The following NINL variants were observed in gnomAD, a reference collection of about 807,000 sequenced individuals.
The protein encoded by NINL is ninein-like protein.
NINL carries 153 observed loss-of-function variants against 160.3 expected under a neutral mutation model. The observed-to-expected ratio is 0.95, with a 90% CI of 0.84 to 1.09. The LOEUF (loss-of-function observed/expected upper bound fraction) is 1.09, where lower values mean the gene tolerates loss of function less well. Ranked by LOEUF, NINL falls within the 50% of genes least tolerant of loss-of-function variation. NINL has a pLI of 0.00. For missense variants in NINL, 1,829 were observed against 1,764.0 expected (o/e 1.04, Z -0.66); for synonymous variants, 800 against 734.8 (o/e 1.09, Z -1.43).
chr20:25,454,295 GAGCCA>G (rs1377057936), intron 23 of NINL, among the ~76,000 whole-genome samples: 4 of 152,204 alleles, frequency 2.6e-5, no homozygotes, highest in African/African-American at 9.6e-5. Flanking sequence ...GCAAGGCCAG[GAGCCA>G]AGAGAAGCAG....
intron 13 of NINL, among the ~76,000 whole-genome samples, chr20:25,487,965 C>T (rs188458637): frequency 4.6e-5 from 7 of 152,320 alleles, no homozygotes; most frequent in East Asian, 1.9e-4. Context: ...ACGGTCTCTG[C>T]GTGCTCAGGT....
chr20:25,540,555 G>A (rs1428904788), intron 1 of NINL, among the ~76,000 whole-genome samples: 1 of 152,214 alleles, frequency 6.6e-6, no homozygotes, highest in Non-Finnish European at 1.5e-5. Context: ...CAGCCTAGGT[G>A]TGCCAATCAC....
chr20:25,479,020 G>A lies in NINL; in HGVS notation c.2104C>T (p.Arg702Cys), dbSNP rs201796118. 1.2e-5 allele frequency: 19 copies of A among 1,609,710 alleles called. No individual in the cohort carries two copies. The highest frequency in any genetic ancestry group is 8.3e-5 in the Admixed American group (5 of 60,016). The change falls in exon 16 of 24, where the codon CGC becomes TGC. Residue 702 changes from arginine to cysteine, a missense_variant. By Grantham distance (180) the Arg-to-Cys change is radical. Transcript: ENST00000278886. ...CCCATCTGCTCAGGCTCGGGGCCGC[G>A]GGCTGTGTCCTGCAGCTGCTCCTGC... ...GLQEQLQDTA[R>C]GPEPEQMGLA...
rs750514718 is a variant in NINL, at chr20:25,455,696, T to C, written c.3934A>G (p.Lys1312Glu). The stretch of plus-strand genomic sequence containing the variant: ...ACCTGCTCCTTCAGCTTATCCACTT[T>C]CTCTTGGAGGAGCATTTCCATATTC... ...LKNMEMLLQE[K>E]VDKLKEQFEK... Residue 1312 changes from lysine to glutamate, a missense_variant, in exon 23 of 24, where the codon AAA becomes GAA. Lys to Glu is a moderately conservative substitution (Grantham distance 56, BLOSUM62 1). Coordinates refer to ENST00000278886, the MANE Select transcript of NINL (RefSeq NM_025176.6). The C allele has an allele frequency of 1.2e-6, 2 of 1,613,880 alleles. No individual in the cohort carries two copies. Among genetic ancestry groups the C allele is most frequent in the African/African-American group, 1.3e-5 (1 of 74,904 alleles).
chr20:25,488,696 T>A (rs961945916), intron 13 of NINL, among the ~76,000 whole-genome samples: 2 of 152,048 alleles, frequency 1.3e-5, no homozygotes, highest in African/African-American at 4.8e-5. Flanking sequence ...TAGTTTTTAT[T>A]TCTTTTGGAA....
chr20:25,499,996 C>G (rs1168213014), intron 8 of NINL, among the ~76,000 whole-genome samples: 1 of 146,546 alleles, frequency 6.8e-6, no homozygotes, highest in Non-Finnish European at 1.5e-5. Flanking sequence ...ATATATACAT[C>G]TCTCATGTGC....
chr20:25,470,014 T>C lies in NINL; in HGVS notation c.3330A>G (p.Ala1110=), dbSNP rs756052253. 6.2e-7 allele frequency: 1 copy of C among 1,614,182 alleles called. No homozygotes were observed. Among genetic ancestry groups the C allele is most frequent in the African/African-American group, 1.3e-5 (1 of 75,064 alleles). The change falls in exon 18 of 24, where the codon GCA becomes GCG. Residue 1110 remains alanine, a synonymous_variant. Transcript: ENST00000278886. Reference sequence around the variant, plus strand: ...ACCTCTGTGCATCGTGAGTACTTTCTGCAGCTTCAAGCTCTTGCCGAACCC... The same window carrying C: ...ACCTCTGTGCATCGTGAGTACTTTCCGCAGCTTCAAGCTCTTGCCGAACCC... ...LGRVRQELEA[A]ESTHDAQRKE... is the part of the protein sequence containing the mutation.
At chr20:25,578,620 C>T (rs903530931) in intron 1 of NINL, among the ~76,000 whole-genome samples, 5 of 151,100 alleles carry the variant, frequency 3.3e-5, no homozygotes, top group African/African-American at 1.2e-4. Context: ...GGTGAAACCC[C>T]GTCTCTACTA....
chr20:25,552,360 C>A (rs563955079), intron 1 of NINL, among the ~76,000 whole-genome samples: 1 of 152,044 alleles, frequency 6.6e-6, no homozygotes, highest in East Asian at 1.9e-4. Flanking sequence ...ATAGCCAGAC[C>A]CTCCCCACCT....
chr20:25,513,727 C>T lies in NINL; in HGVS notation c.278-721G>A, dbSNP rs149625875. On this transcript the variant is annotated intron_variant, in intron 3 of 23. Coordinates refer to ENST00000278886, the MANE Select transcript of NINL (RefSeq NM_025176.6). ...TCATCATACTGAGTTCTCATGAGAT[C>T]TGGTTGTTTAAAAGTGTGTAGCACC... is the stretch of plus-strand genomic sequence containing the variant. Among the ~76,000 whole-genome samples the T allele has an allele frequency of 1.6e-3, 245 of 152,266 alleles. 3 individuals carry two copies. Among genetic ancestry groups the T allele is most frequent in the African/African-American group, 5.5e-3 (230 of 41,552 alleles).
chr20:25,560,378 C>T (rs142646579), intron 1 of NINL, among the ~76,000 whole-genome samples: 56 of 152,250 alleles, frequency 3.7e-4, no homozygotes, highest in African/African-American at 1.1e-3. Flanking sequence ...CAACTTCCTA[C>T]GTGGCCAATC....
intron 1 of NINL, among the ~76,000 whole-genome samples, chr20:25,530,969 C>T (rs549694304): frequency 4.6e-5 from 7 of 152,252 alleles, no homozygotes; most frequent in South Asian, 2.1e-4. Context: ...GGCATTTCCT[C>T]GTCCTAATAA....
chr20:25,574,493 G>T (rs1454696437), intron 1 of NINL, among the ~76,000 whole-genome samples: 2 of 152,112 alleles, frequency 1.3e-5, no homozygotes, highest in Admixed American at 6.6e-5. Context: ...ACGAAGTAAA[G>T]AATCCACACC....
rs1473860713 is a variant in NINL at position 25,504,898 on chromosome 20, A to G, written c.698T>C (p.Leu233Pro). 1.2e-6 allele frequency: 2 copies of G among 1,611,008 alleles called. No individual in the cohort carries two copies. The highest frequency in any genetic ancestry group is 3.3e-5 in the Admixed American group (2 of 60,016). ...TGCTGTGCCCCTCACCTCTTTCTCG[A>G]GTCCCTGGAGCCCGACGCTCTGGCA... ...VVCQSVGLQG[L>P]EKEELEDLFN... Residue 233 changes from leucine (L) to proline (P), a missense_variant, in exon 6 of 24, where the codon CTC becomes CCC. Coordinates refer to ENST00000278886, the MANE Select transcript of NINL (RefSeq NM_025176.6).
Position 25,458,418 on chromosome 20 carries a change from C to T in NINL, c.3808G>A (p.Gly1270Arg), listed in dbSNP as rs759958315. 6 of 1,606,740 alleles carry T rather than the reference C, an allele frequency of 3.7e-6. No individual in the cohort carries two copies. Among genetic ancestry groups the T allele is most frequent in the Admixed American group, 1.7e-5 (1 of 60,004 alleles). Residue 1270 changes from glycine (G) to arginine (R), a missense_variant, in exon 22 of 24, where the codon GGA (glycine) becomes AGA (arginine). Coordinates refer to ENST00000278886, the MANE Select transcript of NINL (RefSeq NM_025176.6). ...TCCAGGCGCCTCCTGGCCTGCTCTC[C>T]CTGAAGGCTGAGCAGGCGATGCAGC... ...AELHRLLSLQ[G>R]EQARRRLDAQ...
At chr20:25,506,252 C>T (rs1017907841) in intron 5 of NINL, among the ~76,000 whole-genome samples, 6 of 152,148 alleles carry the variant, frequency 3.9e-5, no homozygotes, top group Admixed American at 3.3e-4. Flanking sequence ...CAGAAGAATA[C>T]TCTGTCTCAG....
intron 1 of NINL, among the ~76,000 whole-genome samples, chr20:25,548,333 G>A (rs2064760385): frequency 6.6e-6 from 1 of 152,184 alleles, no homozygotes; most frequent in Non-Finnish European, 1.5e-5. Context: ...ATGCCTTCTG[G>A]GCTCCCCTCA....
At position 25,525,824 on chromosome 20, in the gene NINL, T is replaced by C. The variant is rs189958673; in HGVS notation, c.180+584A>G. 3.6e-3 allele frequency among the ~76,000 whole-genome samples: 541 copies of C among 152,274 alleles called. 4 individuals carry two copies. Among genetic ancestry groups the C allele is most frequent in the African/African-American group, 0.013 (520 of 41,530 alleles). On this transcript the variant is annotated intron_variant, in intron 2 of 23. Transcript: ENST00000278886. ...TTTTGATCATGAAAGCAGGTTGCAG[T>C]CTAGGACCAAGATCCCCATTCTAGA...
chr20:25,543,171 A>G (rs2064690838), intron 1 of NINL, among the ~76,000 whole-genome samples: 1 of 152,240 alleles, frequency 6.6e-6, no homozygotes, highest in African/African-American at 2.4e-5. Flanking sequence ...ACACAGACAC[A>G]CACACCCCCC....
Sources: allele counts gnomAD v4.1 joint callset (sites outside exome capture counted in the v4.1 genomes callset), GRCh38; gene constraint gnomAD v4.1.1; transcripts MANE v1.5; gene names NCBI Gene and HGNC (gene_info 2026-07-23, HGNC 2026-07-21).